Variants in AGMO observed in about 807,000 individuals in gnomAD.
AGMO encodes the protein alkylglycerol monooxygenase, also known as glyceryl-ether monooxygenase.
In AGMO, 75 loss-of-function variants were observed where a neutral mutation model predicts 60.2. The observed-to-expected ratio is 1.25, with a 90% CI of 1.03 to 1.51. The LOEUF (loss-of-function observed/expected upper bound fraction) is 1.51. Among genes scored for constraint, AGMO ranks in the 40% most tolerant of loss-of-function variants. The pLI, the probability that AGMO is intolerant of heterozygous loss-of-function variation, is 0.00. For missense variants in AGMO, 763 were observed against 525.5 expected, an observed-to-expected ratio of 1.45 and a Z score of -4.42; for synonymous variants, 261 against 177.1, an observed-to-expected ratio of 1.47 and a Z score of -3.76.
the AGMO span, among the ~76,000 whole-genome samples, chr7:15,142,899 C>A: frequency 2.0e-5 from 3 of 152,096 alleles, no homozygotes; most frequent in Non-Finnish European, 4.4e-5. Context: ...CGCATTTAAT[C>A]CTCACAACCA....
At chr7:15,520,506 C>T (rs919951426) in intron 3 of AGMO, among the ~76,000 whole-genome samples, 3 of 152,166 alleles carry the variant, frequency 2.0e-5, no homozygotes, top group Non-Finnish European at 4.4e-5. Context: ...GTCTCTCAGA[C>T]CATAGCGCAA....
chr7:15,163,092 T>C, the AGMO span, among the ~76,000 whole-genome samples: 2 of 152,178 alleles, frequency 1.3e-5, no homozygotes, highest in Non-Finnish European at 2.9e-5. Flanking sequence ...TTATTGTAAT[T>C]GAAATTGAGT....
intron 12 of AGMO, among the ~76,000 whole-genome samples, chr7:15,269,359 G>C (rs1409935518): frequency 6.6e-6 from 1 of 151,996 alleles, no homozygotes; most frequent in Non-Finnish European, 1.5e-5. Context: ...TTGTAATATA[G>C]ACTCTAAGTC....
At chr7:15,474,750 G>A (rs898721437) in intron 3 of AGMO, among the ~76,000 whole-genome samples, 1 of 152,066 alleles carries the variant, frequency 6.6e-6, no homozygotes, top group African/African-American at 2.4e-5. Context: ...TGTCATCAGA[G>A]TGAACAGACA....
At chr7:15,476,954 T>C (rs946979419) in intron 3 of AGMO, among the ~76,000 whole-genome samples, 2 of 152,058 alleles carry the variant, frequency 1.3e-5, no homozygotes, top group African/African-American at 4.8e-5. Context: ...GCATTCTGAG[T>C]CTAGATACCA....
chr7:15,210,581 A>C (rs1781560988), intron 12 of AGMO, among the ~76,000 whole-genome samples: 1 of 152,150 alleles, frequency 6.6e-6, no homozygotes, highest in South Asian at 2.1e-4. Flanking sequence ...ACCTAAAGGA[A>C]TTGGAGCTTC....
At chr7:15,399,764 T>C (rs1006358540) in intron 5 of AGMO, among the ~76,000 whole-genome samples, 2 of 152,094 alleles carry the variant, frequency 1.3e-5, no homozygotes, top group African/African-American at 4.8e-5. Flanking sequence ...GTTATGTCAT[T>C]TCCCCTGACC....
At chr7:15,510,362 C>T (rs989910735) in intron 3 of AGMO, among the ~76,000 whole-genome samples, 1 of 151,668 alleles carries the variant, frequency 6.6e-6, no homozygotes, top group African/African-American at 2.4e-5. Flanking sequence ...GTTTTTAGTA[C>T]AGACAGGATG....
Position 15,354,453 on chromosome 7 carries a change from T to TAC in AGMO, c.1263+11060_1263+11061insGT, listed in dbSNP as rs1491116255. 1.9e-4 allele frequency among the ~76,000 whole-genome samples: 4 copies of TAC among 20,550 alleles called. 2 individuals carry two copies. Among genetic ancestry groups the TAC allele is most frequent in the African/African-American group, 1.3e-3 (4 of 2,992 alleles). 13.5% of individuals were successfully genotyped at this position (20,550 alleles called of 152,430 possible). Reference sequence around the variant, plus strand: ...ACGTGTGTGTATACACACGTGTGTGTATACACACGTGTGTGTATACACACG... The same window carrying TAC: ...ACGTGTGTGTATACACACGTGTGTGTACATACACACGTGTGTGTATACACACG... On this transcript the variant is annotated intron_variant, in intron 12 of 12. Coordinates refer to ENST00000342526, the MANE Select transcript of AGMO (RefSeq NM_001004320.2).
chr7:15,208,653 T>A (rs141851871), intron 12 of AGMO, among the ~76,000 whole-genome samples: 2,257 of 152,344 alleles, frequency 0.015, 23 homozygotes, highest in Non-Finnish European at 0.021. Context: ...CTCTGAAAAC[T>A]ATGATAGCAC....
intron 12 of AGMO, among the ~76,000 whole-genome samples, chr7:15,229,932 T>A (rs1782208022): frequency 6.6e-6 from 1 of 151,562 alleles, no homozygotes; most frequent in African/African-American, 2.4e-5. Flanking sequence ...TGCCTCCGAT[T>A]GTCATCTTGT....
At chr7:15,305,122 G>C (rs1252001046) in intron 12 of AGMO, among the ~76,000 whole-genome samples, 1 of 151,540 alleles carries the variant, frequency 6.6e-6, no homozygotes, top group Admixed American at 6.6e-5. Context: ...ACCTATCTTA[G>C]GTACTTATTC....
Position 15,385,532 on chromosome 7 carries a change from A to G in AGMO, c.988T>C (p.Ser330Pro). 3 of 1,613,130 alleles carry G rather than the reference A, an allele frequency of 1.9e-6. No homozygotes were observed. Among genetic ancestry groups the G allele is most frequent in the Non-Finnish European group, 2.5e-6 (3 of 1,179,280 alleles). The change falls in exon 10 of 13, where the codon TCT (serine) becomes CCT (proline). Residue 330 changes from serine to proline, a missense_variant. Physicochemically the swap from Ser to Pro is moderately conservative, Grantham distance 74. Transcript: ENST00000342526. ...TATATCTTTAATAGCTGAGATGAAG[A>G]TGATGAGAAGGGAACTTCTTTGCCG... is the stretch of plus-strand genomic sequence containing the variant. The part of the protein sequence containing the change: ...VTGKEVPFSS[S>P]SSQLLKIYTV...
chr7:15,406,369 C>G, intron 5 of AGMO, among the ~76,000 whole-genome samples: 1 of 140,090 alleles, frequency 7.1e-6, no homozygotes, highest in Non-Finnish European at 1.5e-5. Flanking sequence ...TATATACACA[C>G]ATACATATGA....
At chr7:15,458,781 A>G (rs543497609) in intron 3 of AGMO, among the ~76,000 whole-genome samples, 33 of 152,254 alleles carry the variant, frequency 2.2e-4, no homozygotes, top group African/African-American at 7.0e-4. Context: ...GCCTAAGACG[A>G]CACAACCACA....
At chr7:15,452,869 T>G (rs1781892022) in intron 3 of AGMO, among the ~76,000 whole-genome samples, 1 of 152,172 alleles carries the variant, frequency 6.6e-6, no homozygotes, top group Non-Finnish European at 1.5e-5. Context: ...GTGGTATATC[T>G]ATACAATGGA....
At position 15,236,722 on chromosome 7, in the gene AGMO, C is replaced by T. The variant is rs183418263; in HGVS notation, c.1264-35363G>A. 9.2e-5 allele frequency among the ~76,000 whole-genome samples: 14 copies of T among 152,138 alleles called. No homozygotes were observed. In the East Asian group the frequency reaches 2.3e-3, roughly 25 times the overall value. ...TGCAGATTAGGGTGACTTCTCATTG[C>T]TATCTACTGGAAGTTGCCTAATTTA... On this transcript the variant is annotated intron_variant, in intron 12 of 12. Coordinates refer to ENST00000342526, the MANE Select transcript of AGMO (RefSeq NM_001004320.2).
intron 3 of AGMO, among the ~76,000 whole-genome samples, chr7:15,450,426 A>G (rs1288293962): frequency 6.6e-6 from 1 of 151,982 alleles, no homozygotes; most frequent in African/African-American, 2.4e-5. Flanking sequence ...TCTCAAAAAA[A>G]AAAAAAAGAA....
At chr7:15,254,529 T>C (rs192844246) in intron 12 of AGMO, among the ~76,000 whole-genome samples, 17 of 152,282 alleles carry the variant, frequency 1.1e-4, no homozygotes, top group Admixed American at 3.9e-4. Flanking sequence ...GTCATTTCTT[T>C]ATAGAAATGT....
Sources: allele counts gnomAD v4.1 joint callset (sites outside exome capture counted in the v4.1 genomes callset), GRCh38; gene constraint gnomAD v4.1.1; transcripts MANE v1.5; gene names NCBI Gene and HGNC (gene_info 2026-07-23, HGNC 2026-07-21).